Variants in PXYLP1 observed in about 807,000 individuals in gnomAD.
PXYLP1 encodes 2-phosphoxylose phosphatase 1.
PXYLP1 carries 17 observed loss-of-function variants against 37.9 expected under a neutral mutation model. The ratio of observed to expected loss-of-function variants is 0.45; its 90% CI spans 0.31 to 0.67. The LOEUF is 0.67. Ranked by LOEUF, PXYLP1 falls within the 30% of genes least tolerant of loss-of-function variation. PXYLP1 has a pLI of 0.07. For synonymous variants in PXYLP1, 221 were observed against 232.2 expected, an observed-to-expected ratio of 0.95 and a Z score of 0.44; for missense variants, 511 against 612.0, an observed-to-expected ratio of 0.84 and a Z score of 1.74.
chr3:141,289,795 C>A (rs61370146), intron 5 of PXYLP1, among the ~76,000 whole-genome samples: 3 of 152,022 alleles, frequency 2.0e-5, no homozygotes, highest in African/African-American at 7.3e-5. Context: ...ATCCATCAGC[C>A]CTGGCTAACA....
chr3:141,260,241 C>T lies in PXYLP1; in HGVS notation c.66C>T (p.Leu22=). The T allele has an allele frequency of 6.2e-7, 1 of 1,613,184 alleles. No individual in the cohort carries two copies. Among genetic ancestry groups the T allele is most frequent in the Non-Finnish European group, 8.5e-7 (1 of 1,180,038 alleles). Residue 22 remains leucine, a synonymous_variant, in exon 2 of 6, where the codon CTC becomes CTT. Transcript: ENST00000286353. The stretch of plus-strand genomic sequence containing the variant: ...CTGCGCTGCTGGCCTTTGTGAGCCT[C>T]AGCCTGCAGTTCTGTGAGTAGAGCC... The part of the protein sequence containing the change: ...ALAALLAFVS[L]SLQFFHLIPV...
chr3:141,248,655 A>G (rs866543698), intron 1 of PXYLP1, among the ~76,000 whole-genome samples: 5 of 108,372 alleles, frequency 4.6e-5, no homozygotes, highest in Non-Finnish European at 7.5e-5. Flanking sequence ...ATATATACAC[A>G]CGTATATATA....
intron 2 of PXYLP1, among the ~76,000 whole-genome samples, chr3:141,268,716 G>A (rs547326451): frequency 2.0e-5 from 3 of 152,274 alleles, no homozygotes; most frequent in Non-Finnish European, 4.4e-5. Context: ...AGGGAGCTCT[G>A]GGACTGCCTC....
intron 1 of PXYLP1, among the ~76,000 whole-genome samples, chr3:141,242,118 T>G (rs1940816487): frequency 1.3e-5 from 2 of 152,226 alleles, no homozygotes; most frequent in South Asian, 4.1e-4. Flanking sequence ...TATAGTTTTT[T>G]TCTCCCTTGG....
Position 141,292,164 on chromosome 3 carries a change from C to T in PXYLP1, c.506-104C>T. The T allele has an allele frequency of 9.0e-7, 1 of 1,110,916 alleles. No individual in the cohort carries two copies. Among genetic ancestry groups the T allele is most frequent in the Non-Finnish European group, 1.3e-6 (1 of 772,830 alleles). The allele number at this position is 1,110,916 out of a possible 1,614,324, so 68.8% of individuals were successfully genotyped here. On this transcript the variant is annotated intron_variant, in intron 5 of 5. Coordinates refer to ENST00000286353, the MANE Select transcript of PXYLP1 (RefSeq NM_001037172.3). The surrounding 1 kb of genome is among the most constrained non-coding windows in gnomAD (Gnocchi z 4.3). ...ATGGGGAAACAGGCTGGATGCCATT[C>T]TCTTGCCCTAAAACACTCCAGAGCC...
At chr3:141,256,174 G>C (rs760827787) in intron 1 of PXYLP1, among the ~76,000 whole-genome samples, 2 of 152,184 alleles carry the variant, frequency 1.3e-5, no homozygotes, top group Non-Finnish European at 2.9e-5. Flanking sequence ...GATTCTTCCG[G>C]AGTGTGGAAG....
In PXYLP1 at chr3:141,294,495, A is replaced by G. The variant is rs978374578; in HGVS notation, c.*1290A>G. Reference sequence around the variant, plus strand: ...TTATAATTACATCTGTGATTTCTGAACTAATGGTGCTAATTCAGAGAAATG... The same window carrying G: ...TTATAATTACATCTGTGATTTCTGAGCTAATGGTGCTAATTCAGAGAAATG... On this transcript the variant is annotated 3_prime_UTR_variant, in exon 6 of 6. Transcript: ENST00000286353. 2.0e-5 allele frequency: 3 copies of G among 152,348 alleles called. No individual in the cohort carries two copies. Among genetic ancestry groups the G allele is most frequent in the Non-Finnish European group, 4.4e-5 (3 of 68,026 alleles). The allele number at this position is 152,348 out of a possible 1,614,324, so 9.4% of individuals were successfully genotyped here. A position where few individuals can be genotyped will look rare whatever the true frequency, so the allele number is the denominator to read the frequency against.
chr3:141,237,035 C>G (rs751398369), intron 1 of PXYLP1, among the ~76,000 whole-genome samples: 14 of 152,134 alleles, frequency 9.2e-5, no homozygotes, highest in Non-Finnish European at 1.9e-4. Context: ...TCATTTGATT[C>G]AATAAGCCTG....
Position 141,292,886 on chromosome 3 carries a change from A to G in PXYLP1, c.1124A>G (p.Tyr375Cys). 3 of 1,613,680 alleles carry G rather than the reference A, an allele frequency of 1.9e-6. No individual in the cohort carries two copies. The highest frequency in any genetic ancestry group is 2.5e-6 in the Non-Finnish European group (3 of 1,179,908). ...AGGAAAGAAGAGCTCTTTGCCCTCT[A>G]CTCTGCTCATGATGTCACTCTGTCA... is the stretch of plus-strand genomic sequence containing the variant. ...EGRKEELFALYSAHDVTLSPV... is the reference protein window; with the variant it reads ...EGRKEELFALCSAHDVTLSPV... The change falls in exon 6 of 6, where the codon TAC becomes TGC. Residue 375 changes from tyrosine (Y) to cysteine (C), a missense_variant. Tyr to Cys is a radical substitution (Grantham distance 194). Transcript: ENST00000286353. The surrounding 1 kb of genome is among the most constrained non-coding windows in gnomAD (Gnocchi z 4.3).
At chr3:141,283,700 G>A (rs1053779062) in intron 4 of PXYLP1, among the ~76,000 whole-genome samples, 2 of 151,914 alleles carry the variant, frequency 1.3e-5, no homozygotes, top group African/African-American at 4.8e-5. Flanking sequence ...TGTGATTCCA[G>A]TTTCCAGCTA....
intron 2 of PXYLP1, among the ~76,000 whole-genome samples, chr3:141,277,738 T>C (rs1255541113): frequency 6.6e-6 from 1 of 152,142 alleles, no homozygotes; most frequent in Non-Finnish European, 1.5e-5. Context: ...GCACACAGAT[T>C]GCAAGACCCA....
At chr3:141,268,157 G>A (rs1329636155) in intron 2 of PXYLP1, among the ~76,000 whole-genome samples, 5 of 135,956 alleles carry the variant, frequency 3.7e-5, no homozygotes, top group South Asian at 2.8e-4. Flanking sequence ...CTTTATATGC[G>A]GGTGGGTGGG....
At chr3:141,266,971 G>C (rs555962755) in intron 2 of PXYLP1, among the ~76,000 whole-genome samples, 2 of 152,268 alleles carry the variant, frequency 1.3e-5, no homozygotes, top group East Asian at 1.9e-4. Context: ...CACCTTCCTC[G>C]GTGGTTCAGA....
Position 141,293,661 on chromosome 3 carries a change from C to A in PXYLP1, c.*456C>A, listed in dbSNP as rs547456966. 161 of 165,612 alleles carry A rather than the reference C, an allele frequency of 9.7e-4. 1 individual carries two copies. Among genetic ancestry groups the A allele is most frequent in the South Asian group, 3.9e-3 (26 of 6,628 alleles). The allele number at this position is 165,612 out of a possible 1,614,324, so 10.3% of individuals were successfully genotyped here. A position where few individuals can be genotyped will look rare whatever the true frequency, so the allele number is the denominator to read the frequency against. On this transcript the variant is annotated 3_prime_UTR_variant, in exon 6 of 6. Transcript: ENST00000286353. ...GTTGGCAAACTTTTTCTGTAAAGGG[C>A]CAGATTGTAAATATTTCAGACTGTG...
intron 1 of PXYLP1, among the ~76,000 whole-genome samples, chr3:141,253,600 C>T (rs147532250): frequency 6.6e-6 from 1 of 151,982 alleles, no homozygotes; most frequent in African/African-American, 2.4e-5. Context: ...CCTGACAGCA[C>T]TGGTTTGATA....
At chr3:141,244,401 A>G (rs1028479994) in intron 1 of PXYLP1, among the ~76,000 whole-genome samples, 2 of 151,996 alleles carry the variant, frequency 1.3e-5, no homozygotes, top group Admixed American at 6.6e-5. Flanking sequence ...CATACTATAA[A>G]ATCAAAGCAT....
intron 1 of PXYLP1, among the ~76,000 whole-genome samples, chr3:141,256,837 T>G (rs1461744774): frequency 6.6e-6 from 1 of 152,116 alleles, no homozygotes; most frequent in Non-Finnish European, 1.5e-5. Flanking sequence ...TGCTAGAGGC[T>G]ATCAGAGGAG....
intron 1 of PXYLP1, chr3:141,235,275 A>C (rs1337857301): frequency 6.6e-6 from 1 of 152,264 alleles, no homozygotes; most frequent in Admixed American, 6.5e-5. Context: ...TTAGCACGGC[A>C]GGAGAGCACT....
chr3:141,283,375 G>A (rs1252287134), intron 4 of PXYLP1, among the ~76,000 whole-genome samples: 1 of 152,100 alleles, frequency 6.6e-6, no homozygotes, highest in Non-Finnish European at 1.5e-5. Context: ...ATTTGAAGCT[G>A]TGGGCTTATA....
Sources: gnomAD v4.1 joint callset for allele counts (sites outside exome capture counted in the v4.1 genomes callset) on GRCh38, gnomAD v4.1.1 for gene constraint, Gnocchi (gnomAD v3.1) non-coding constraint, MANE v1.5 for transcripts, NCBI Gene and HGNC (gene_info 2026-07-23, HGNC 2026-07-21) for gene names.